Variants in CTNNA3 observed in about 807,000 individuals in gnomAD.
CTNNA3 encodes catenin alpha-3.
CTNNA3 carries 76 observed loss-of-function variants against 95.7 expected under a neutral mutation model. The observed-to-expected ratio is 0.79, with a 90% CI of 0.66 to 0.96. CTNNA3 has a LOEUF of 0.96. CTNNA3 is among the 40% of genes least tolerant of loss of function. CTNNA3 has a pLI of 0.00. For missense variants in CTNNA3, 1,191 were observed against 1,089.8 expected (o/e 1.09, Z -1.31); for synonymous variants, 431 against 374.4 (o/e 1.15, Z -1.74).
intron 13 of CTNNA3, among the ~76,000 whole-genome samples, chr10:66,118,489 A>G (rs1179236128): frequency 6.6e-6 from 1 of 152,194 alleles, no homozygotes; most frequent in African/African-American, 2.4e-5. Flanking sequence ...TGACCGAAAT[A>G]AGTCCCAGGC....
At chr10:67,726,604 ATT>A (rs1303633371) in intron 1 of CTNNA3, among the ~76,000 whole-genome samples, 7 of 26,216 alleles carry the variant, frequency 2.7e-4, no homozygotes, top group Non-Finnish European at 3.2e-4. Flanking sequence ...TATATTACAT[ATT>A]ATATAATATA....
chr10:67,361,303 C>T (rs1842983596), intron 5 of CTNNA3, among the ~76,000 whole-genome samples: 1 of 152,136 alleles, frequency 6.6e-6, no homozygotes, highest in Admixed American at 6.5e-5. Flanking sequence ...GAATACTCCA[C>T]TCATCAACCA....
chr10:66,678,899 G>C (rs1846965156), intron 9 of CTNNA3, among the ~76,000 whole-genome samples: 2 of 152,090 alleles, frequency 1.3e-5, no homozygotes, highest in Admixed American at 1.3e-4. Flanking sequence ...AAGAATCTGG[G>C]AGAGCAGCGC....
chr10:66,386,158 T>C (rs190523321), intron 11 of CTNNA3, among the ~76,000 whole-genome samples: 1 of 152,296 alleles, frequency 6.6e-6, no homozygotes, highest in African/African-American at 2.4e-5. Flanking sequence ...TCAAATTGTC[T>C]GTGTTTGCAT....
intron 12 of CTNNA3, among the ~76,000 whole-genome samples, chr10:66,309,511 T>G (rs756180355): frequency 8.0e-5 from 12 of 150,578 alleles, no homozygotes; most frequent in South Asian, 2.1e-4. Context: ...GCTAACACTG[T>G]GAAACCCCAT....
intron 12 of CTNNA3, among the ~76,000 whole-genome samples, chr10:66,345,591 C>G (rs1250931714): frequency 2.0e-5 from 3 of 151,872 alleles, no homozygotes; most frequent in Non-Finnish European, 2.9e-5. Context: ...TAACTGTACC[C>G]AAAGAAGGTG....
chr10:66,913,238 CAAAAAAAAAAAAAA>C (rs1161880781), intron 7 of CTNNA3, among the ~76,000 whole-genome samples: 1 of 33,536 alleles, frequency 3.0e-5, no homozygotes, highest in African/African-American at 1.2e-4. Flanking sequence ...GACTCCGTCT[CAAAAAAAAAAAAAA>C]AAAAAAAAAA....
At chr10:67,001,515 A>G (rs1226991409) in intron 7 of CTNNA3, among the ~76,000 whole-genome samples, 1 of 151,818 alleles carries the variant, frequency 6.6e-6, no homozygotes, top group Admixed American at 6.6e-5. Flanking sequence ...TTAGAGGAAT[A>G]TAGAATTTTT....
chr10:66,868,457 A>G (rs536907208), intron 7 of CTNNA3, among the ~76,000 whole-genome samples: 1 of 151,986 alleles, frequency 6.6e-6, no homozygotes, highest in African/African-American at 2.4e-5. Context: ...GTGTTGACAT[A>G]AAGAGTCAAA....
chr10:66,758,444 TAA>T (rs937976403), intron 9 of CTNNA3, among the ~76,000 whole-genome samples: 1 of 152,150 alleles, frequency 6.6e-6, no homozygotes, highest in African/African-American at 2.4e-5. Context: ...GTGAATTGAT[TAA>T]AAAGAACAGA....
In CTNNA3 at chr10:66,608,696, C is replaced by T. The variant is rs1304952585; in HGVS notation, c.1374+12996G>A. On this transcript the variant is annotated intron_variant, in intron 10 of 17. Coordinates refer to ENST00000433211, the MANE Select transcript of CTNNA3 (RefSeq NM_013266.4). ...AAAAAACAAGCAATGGGAAAGGATT[C>T]CCTGTTCAATAAATGGTGCTGAGAT... Among the ~76,000 whole-genome samples the T allele has an allele frequency of 2.0e-5, 3 of 152,104 alleles. No individual in the cohort carries two copies. The South Asian group carries it at 6.2e-4, about 32-fold the overall frequency.
At chr10:66,105,769 CACTT>C (rs990380335) in intron 13 of CTNNA3, among the ~76,000 whole-genome samples, 5 of 152,202 alleles carry the variant, frequency 3.3e-5, no homozygotes, top group African/African-American at 9.7e-5. Context: ...GTGTTCAAAA[CACTT>C]GCTGGCAGCA....
chr10:65,984,619 T>A (rs922389240), intron 16 of CTNNA3, among the ~76,000 whole-genome samples: 5 of 151,214 alleles, frequency 3.3e-5, no homozygotes, highest in African/African-American at 1.2e-4. Context: ...CATAATTTGA[T>A]AAAGCCATGT....
chr10:66,488,019 CTG>C (rs1239296459), intron 11 of CTNNA3, among the ~76,000 whole-genome samples: 3 of 152,276 alleles, frequency 2.0e-5, no homozygotes, highest in South Asian at 4.1e-4. Flanking sequence ...AGCAGTCAGT[CTG>C]TGCTCATCCT....
intron 17 of CTNNA3, among the ~76,000 whole-genome samples, chr10:65,965,107 C>T (rs533817225): frequency 1.3e-5 from 2 of 152,206 alleles, no homozygotes; most frequent in South Asian, 4.1e-4. Context: ...CTCTAACAAC[C>T]ACTGGAATAA....
At chr10:65,965,698 G>A (rs1397430560) in intron 17 of CTNNA3, among the ~76,000 whole-genome samples, 2 of 151,914 alleles carry the variant, frequency 1.3e-5, no homozygotes, top group Admixed American at 6.6e-5. Context: ...ACTGGCTCCT[G>A]CCCACTACTT....
intron 5 of CTNNA3, among the ~76,000 whole-genome samples, chr10:67,339,532 C>A (rs1842105928): frequency 6.6e-6 from 1 of 152,136 alleles, no homozygotes; most frequent in South Asian, 2.1e-4. Context: ...GTTTATCCAA[C>A]TCCGGTATTC....
chr10:66,476,532 T>C (rs940142519), intron 11 of CTNNA3, among the ~76,000 whole-genome samples: 3 of 152,168 alleles, frequency 2.0e-5, no homozygotes, highest in East Asian at 3.8e-4. Flanking sequence ...TTTTCTAAAA[T>C]AGTTGATTAA....
At chr10:66,661,292 G>A (rs1846255338) in intron 9 of CTNNA3, among the ~76,000 whole-genome samples, 1 of 152,076 alleles carries the variant, frequency 6.6e-6, no homozygotes, top group African/African-American at 2.4e-5. Flanking sequence ...ATCATGGCGG[G>A]AGGCAAAAGG....
Sources: allele counts gnomAD v4.1 joint callset (sites outside exome capture counted in the v4.1 genomes callset), GRCh38; gene constraint gnomAD v4.1.1; transcripts MANE v1.5; gene names NCBI Gene and HGNC (gene_info 2026-07-23, HGNC 2026-07-21).